The following MPPED2 variants were observed in gnomAD, a reference collection of about 807,000 sequenced individuals.
MPPED2 encodes metallophosphoesterase MPPED2.
Under a neutral mutation model 33.0 loss-of-function variants are expected in MPPED2, and 5 were observed. The ratio of observed to expected loss-of-function variants is 0.15; its 90% confidence interval spans 0.08 to 0.32. The LOEUF (loss-of-function observed/expected upper bound fraction) is 0.32. MPPED2 is among the 10% of genes least tolerant of loss of function. The probability of loss-of-function intolerance (pLI) is 1.00; values close to 1 mark genes in which losing one functional copy is unlikely to be tolerated. For synonymous variants in MPPED2, 136 were observed against 141.9 expected (o/e 0.96, Z 0.29); for missense variants, 275 against 372.1 (o/e 0.74, Z 2.15).
rs1957110009 is a variant in MPPED2 at position 30,580,363 on chromosome 11, C to A, written c.11G>T (p.Gly4Val). 1.2e-6 allele frequency: 2 copies of A among 1,613,986 alleles called. No individual in the cohort carries two copies. Among genetic ancestry groups the A allele is most frequent in the East Asian group, 2.2e-5 (1 of 44,874 alleles). ...GGTAACTTTGCCTTGAGAAGGAATC[C>A]CATGTGCCATCCTTCCTCCCTATAG... MAH[G>V]IPSQGKVTIT... Residue 4 changes from glycine to valine, a missense_variant, in exon 2 of 7, where the codon GGG becomes GTG. Physicochemically the swap from Gly to Val is moderately radical, Grantham distance 109 (BLOSUM62 -3). Transcript: ENST00000358117.
At chr11:30,411,672 A>G in intron 6 of MPPED2, 86 bp from the exon 7 acceptor site, 2 of 1,245,036 alleles carry the variant, frequency 1.6e-6, no homozygotes, top group South Asian at 4.3e-5. Flanking sequence ...AAAACAAAAA[A>G]TTTTTGTCAG....
intron 2 of MPPED2, among the ~76,000 whole-genome samples, chr11:30,555,244 T>C (rs1955910681): frequency 6.6e-6 from 1 of 152,202 alleles, no homozygotes. Flanking sequence ...ACTCTCTTGC[T>C]ATAGTGATAT....
chr11:30,493,304 G>A (rs565119132), intron 4 of MPPED2, among the ~76,000 whole-genome samples: 1 of 151,280 alleles, frequency 6.6e-6, no homozygotes, highest in East Asian at 2.0e-4. Flanking sequence ...CCGGAAGGCG[G>A]AGCTTGCAGT....
chr11:30,430,938 G>T (rs1238175003), intron 4 of MPPED2, among the ~76,000 whole-genome samples: 1 of 152,090 alleles, frequency 6.6e-6, no homozygotes, highest in East Asian at 1.9e-4. Context: ...CTTCCCACCA[G>T]GTTCTGTATT....
At position 30,417,555 on chromosome 11, in the gene MPPED2, C is replaced by T. The variant is rs1434092455; in HGVS notation, c.615G>A (p.Glu205=). Residue 205 remains glutamate (E), a synonymous_variant, in exon 5 of 7, where the codon GAG becomes GAA. Coordinates refer to ENST00000358117, the MANE Select transcript of MPPED2 (RefSeq NM_001584.3). ...CATGTGTCATGAGTATGTCAATGCC[C>T]TCAGGGATGAGGTTCCACTTGTCCA... is the stretch of plus-strand genomic sequence containing the variant. ...SLLDKWNLIP[E]GIDILMTHGP... The T allele has an allele frequency of 4.3e-6, 7 of 1,613,064 alleles. No homozygotes were observed. The highest frequency in any genetic ancestry group is 5.1e-6 in the Non-Finnish European group (6 of 1,179,424).
chr11:30,436,745 C>G (rs1250619414), intron 4 of MPPED2, among the ~76,000 whole-genome samples: 1 of 152,128 alleles, frequency 6.6e-6, no homozygotes, highest in East Asian at 1.9e-4. Flanking sequence ...TTCAAAAATC[C>G]TGGACACTGC....
At chr11:30,437,197 C>T (rs780398267) in intron 4 of MPPED2, among the ~76,000 whole-genome samples, 2 of 152,242 alleles carry the variant, frequency 1.3e-5, no homozygotes, top group Non-Finnish European at 2.9e-5. Flanking sequence ...GGGACCTAAA[C>T]ACTAAGTTAC....
At chr11:30,577,000 T>G (rs995783677) in intron 2 of MPPED2, among the ~76,000 whole-genome samples, 1 of 152,194 alleles carries the variant, frequency 6.6e-6, no homozygotes, top group Non-Finnish European at 1.5e-5. Context: ...CTTAAAGCTG[T>G]TTGAAACATC....
rs572190029 is a variant in MPPED2, at chr11:30,551,777, G to A, written c.129-15602C>T. The stretch of plus-strand genomic sequence containing the variant: ...GGATTTAAATCCCAAATACACAAAC[G>A]GACAACCTCTGGAATATGGGCAAGT... On this transcript the variant is annotated intron_variant, in intron 2 of 6. Transcript: ENST00000358117. 4.6e-5 allele frequency among the ~76,000 whole-genome samples: 7 copies of A among 152,186 alleles called. No homozygotes were observed. The East Asian group carries it at 9.7e-4, about 21-fold the overall frequency.
intron 4 of MPPED2, among the ~76,000 whole-genome samples, chr11:30,457,030 T>C (rs978267501): frequency 6.6e-6 from 1 of 152,188 alleles, no homozygotes; most frequent in Non-Finnish European, 1.5e-5. Context: ...AAAATTCCAT[T>C]CCTGGTGGGG....
intron 4 of MPPED2, among the ~76,000 whole-genome samples, chr11:30,485,575 T>C (rs1017506785): frequency 1.6e-5 from 2 of 125,282 alleles, no homozygotes; most frequent in African/African-American, 5.3e-5. Flanking sequence ...CCTCCCTCCT[T>C]CTGTAAGTAA....
rs1363002938 is a variant in MPPED2 at position 30,557,935 on chromosome 11, G to A, written c.129-21760C>T. On this transcript the variant is annotated intron_variant, in intron 2 of 6. Coordinates refer to ENST00000358117, the MANE Select transcript of MPPED2 (RefSeq NM_001584.3). Reference sequence around the variant, plus strand: ...TTTATTCCTTGGGCGTGTTGAACTGGAACCTAAGGGCCTTGCTAGGAAGAT... The same window carrying A: ...TTTATTCCTTGGGCGTGTTGAACTGAAACCTAAGGGCCTTGCTAGGAAGAT... Among the ~76,000 whole-genome samples the A allele has an allele frequency of 2.0e-5, 3 of 152,138 alleles. No individual in the cohort carries two copies. The East Asian group carries it at 5.8e-4, about 29-fold the overall frequency.
chr11:30,462,930 A>G (rs934312851), intron 4 of MPPED2, among the ~76,000 whole-genome samples: 2 of 152,222 alleles, frequency 1.3e-5, no homozygotes, highest in African/African-American at 4.8e-5. Flanking sequence ...GTCATACAGA[A>G]GGGGAACAGT....
chr11:30,468,256 ACTCTCT>A (rs3837402), intron 4 of MPPED2, among the ~76,000 whole-genome samples: 27,464 of 142,520 alleles, frequency 0.19, 2,630 homozygotes, highest in East Asian at 0.28. Context: ...ACACACACAC[ACTCTCT>A]CTCTCTCTCT....
intron 4 of MPPED2, among the ~76,000 whole-genome samples, chr11:30,438,139 T>A (rs1336705124): frequency 1.5e-4 from 23 of 152,138 alleles, no homozygotes; most frequent in African/African-American, 2.4e-5. Flanking sequence ...ATGAACAAAG[T>A]ATATTGAGCC....
intron 3 of MPPED2, among the ~76,000 whole-genome samples, chr11:30,531,077 G>T (rs1013300951): frequency 4.6e-5 from 7 of 152,258 alleles, no homozygotes; most frequent in African/African-American, 1.4e-4. Context: ...CTATTAGGTG[G>T]CAGGGTCCCA....
chr11:30,387,069 T>A (rs1202171709), exon 7 of MPPED2: 1 of 295,608 alleles, frequency 3.4e-6, no homozygotes, highest in Admixed American at 5.1e-5. Context: ...TGCACGCATA[T>A]AAGCACAGCT....
At chr11:30,409,111 G>A (rs376861739), downstream of MPPED2, among the ~76,000 whole-genome samples, 6 of 152,154 alleles carry the variant, frequency 3.9e-5, no homozygotes, top group South Asian at 6.2e-4. Context: ...GTGCCCAGAC[G>A]TACTCTCAAG....
chr11:30,451,419 C>T lies in MPPED2; in HGVS notation c.537-33786G>A, dbSNP rs151254104. Among the ~76,000 whole-genome samples the T allele has an allele frequency of 1.2e-4, 19 of 152,314 alleles. 1 individual carries two copies. Among genetic ancestry groups the T allele is most frequent in the African/African-American group, 4.6e-4 (19 of 41,558 alleles). ...CTGCAGTTTGAAGTGAGAGCTCAGA[C>T]TGAGGGATGTGGTCTTTGCCAGAGG... On this transcript the variant is annotated intron_variant, in intron 4 of 6. Transcript: ENST00000358117.
Sources: allele counts gnomAD v4.1 joint callset (sites outside exome capture counted in the v4.1 genomes callset), GRCh38; gene constraint gnomAD v4.1.1; transcripts MANE v1.5; gene names NCBI Gene and HGNC (gene_info 2026-07-23, HGNC 2026-07-21).